Variants in CLCN5 observed in about 807,000 individuals in gnomAD.
CLCN5 encodes H(+)/Cl(-) exchange transporter 5.
In CLCN5, 17 loss-of-function variants were observed where a neutral mutation model predicts 54.0. The observed-to-expected ratio is 0.31, with a 90% CI of 0.22 to 0.47. CLCN5 has a LOEUF of 0.47. Among genes scored for constraint, CLCN5 ranks in the 20% least tolerant of loss-of-function variants. The pLI is 1.00. For synonymous variants in CLCN5, 222 were observed against 233.0 expected (o/e 0.95, Z 0.43); for missense variants, 448 against 646.7 (o/e 0.69, Z 3.33).
chrX:50,021,844 TAA>T (rs1931120335), intron 3 of CLCN5, among the ~76,000 whole-genome samples: 1 of 623 alleles, frequency 1.6e-3, no homozygotes, highest in Non-Finnish European at 2.6e-3. Context: ...TCATGGTGGA[TAA>T]GCTTTTTGAT....
intron 3 of CLCN5, among the ~76,000 whole-genome samples, chrX:49,998,986 T>G (rs1217907644): frequency 9.1e-6 from 1 of 110,446 alleles, no homozygotes; most frequent in African/African-American, 3.3e-5. Flanking sequence ...AATTTTCTAG[T>G]GCCACCCCCC....
At chrX:50,051,643 A>G (rs1932591342) in intron 4 of CLCN5, among the ~76,000 whole-genome samples, 1 of 112,236 alleles carries the variant, frequency 8.9e-6, no homozygotes, top group Admixed American at 9.5e-5. Flanking sequence ...TTTACATCCC[A>G]TGAACATTGA....
At chrX:49,970,726 A>G (rs782288886) in intron 3 of CLCN5, among the ~76,000 whole-genome samples, 13 of 112,000 alleles carry the variant, frequency 1.2e-4, no homozygotes, top group Non-Finnish European at 2.4e-4. Context: ...GAACATTCAC[A>G]CATATGTTTT....
rs1418323400 is a variant in CLCN5, at chrX:49,997,868, T to C, written c.17-44448T>C. Among the ~76,000 whole-genome samples, 17 of 111,049 alleles carry C rather than the reference T, an allele frequency of 1.5e-4. No homozygotes were observed. In the Admixed American group the frequency reaches 1.6e-3, roughly 11 times the overall value. On this transcript the variant is annotated intron_variant, in intron 3 of 14. Transcript: ENST00000376091. ...AAGATCCCATCTGTGTCTATCTCCC[T>C]AGTTCTCTCTTTCTTTTACCCTTAG...
At chrX:49,959,585 G>A (rs182306971) in intron 3 of CLCN5, among the ~76,000 whole-genome samples, 4 of 112,204 alleles carry the variant, frequency 3.6e-5, no homozygotes, top group South Asian at 3.7e-4. Context: ...CTCATTTGCC[G>A]ATAATTCCTC....
intron 3 of CLCN5, among the ~76,000 whole-genome samples, chrX:49,999,628 G>A (rs935358976): frequency 2.7e-5 from 3 of 111,118 alleles, no homozygotes; most frequent in Non-Finnish European, 3.8e-5. Flanking sequence ...GGAAAAATAA[G>A]TTCAGAAATG....
chrX:50,055,691 T>TTTTAAAA (rs1932721795), intron 4 of CLCN5, among the ~76,000 whole-genome samples: 1 of 111,808 alleles, frequency 8.9e-6, no homozygotes, highest in Non-Finnish European at 1.9e-5. Context: ...ATACACAGGT[T>TTTTAAAA]TTTAAAATGT....
At chrX:49,971,995 A>G (rs782542397) in intron 3 of CLCN5, among the ~76,000 whole-genome samples, 15 of 111,415 alleles carry the variant, frequency 1.3e-4, no homozygotes, top group African/African-American at 4.9e-4. Context: ...AATAATTTCA[A>G]ACTTATAAAA....
Position 50,088,727 on chromosome X carries a change from G to C in CLCN5, c.1587G>C (p.Met529Ile). 8.3e-7 allele frequency: 1 copy of C among 1,211,491 alleles called. No individual in the cohort carries two copies. ...KIPSGLFIPS[M>I]AVGAIAGRLL... ...CTTCTGGCCTCTTTATCCCTAGCAT[G>C]GCTGTTGGTGCTATAGCAGGTCGAC... Residue 529 changes from methionine to isoleucine, a missense_variant, in exon 12 of 15, where the codon ATG (methionine) becomes ATC (isoleucine). Met to Ile is a conservative substitution (Grantham distance 10). Coordinates refer to ENST00000376091, the MANE Select transcript of CLCN5 (RefSeq NM_001127898.4).
chrX:50,023,053 A>T (rs1235598017), intron 3 of CLCN5, among the ~76,000 whole-genome samples: 1 of 93,903 alleles, frequency 1.1e-5, no homozygotes. Context: ...TGTTTCGTTG[A>T]TCTGTCTAAT....
intron 3 of CLCN5, among the ~76,000 whole-genome samples, chrX:50,005,207 T>G (rs1930095238): frequency 8.9e-6 from 1 of 111,870 alleles, no homozygotes; most frequent in Non-Finnish European, 1.9e-5. Context: ...TCTCCTTGTT[T>G]GTATTTCCTG....
intron 4 of CLCN5, among the ~76,000 whole-genome samples, chrX:50,063,129 G>T (rs1932889237): frequency 9.7e-6 from 1 of 102,736 alleles, no homozygotes; most frequent in Non-Finnish European, 2.0e-5. Context: ...ACATTCAAAA[G>T]CTAGCAGAAG....
intron 3 of CLCN5, among the ~76,000 whole-genome samples, chrX:49,945,604 G>GTTTTTTT (rs1162822439): frequency 3.2e-4 from 23 of 71,144 alleles, no homozygotes; most frequent in African/African-American, 1.2e-3. Flanking sequence ...CGCCCAGCTA[G>GTTTTTTT]TTTTTTTTTT....
At chrX:49,946,422 G>T (rs1427167177) in intron 3 of CLCN5, among the ~76,000 whole-genome samples, 1 of 111,262 alleles carries the variant, frequency 9.0e-6, no homozygotes, top group Non-Finnish European at 1.9e-5. Flanking sequence ...GTGATTGTTG[G>T]CAGAATTTAG....
At chrX:49,941,852 C>T (rs1926349824) in intron 3 of CLCN5, among the ~76,000 whole-genome samples, 2 of 108,442 alleles carry the variant, frequency 1.8e-5, no homozygotes, top group Admixed American at 1.0e-4. Context: ...ACCACCTGCC[C>T]TATTATGTCT....
At chrX:49,961,791 C>G (rs375444397) in intron 3 of CLCN5, among the ~76,000 whole-genome samples, 70 of 111,422 alleles carry the variant, frequency 6.3e-4, no homozygotes, top group African/African-American at 2.2e-3. Flanking sequence ...TTTTTTCCTT[C>G]TCTTGACATT....
intron 4 of CLCN5, among the ~76,000 whole-genome samples, chrX:50,068,831 G>T (rs1933127355): frequency 9.0e-6 from 1 of 111,513 alleles, no homozygotes; most frequent in Non-Finnish European, 1.9e-5. Flanking sequence ...ATTAAATGAT[G>T]GCATTACTCT....
intron 3 of CLCN5, among the ~76,000 whole-genome samples, chrX:49,958,982 T>G (rs1193102945): frequency 7.1e-5 from 8 of 112,104 alleles, no homozygotes; most frequent in African/African-American, 2.6e-4. Context: ...CATTAGTTCC[T>G]GTAGCCTAAA....
chrX:49,970,470 T>A (rs1424933885), intron 3 of CLCN5, among the ~76,000 whole-genome samples: 2 of 111,637 alleles, frequency 1.8e-5, no homozygotes, highest in East Asian at 5.6e-4. Context: ...TTCTTATCTC[T>A]GTGGATTTGC....
Sources: allele counts gnomAD v4.1 joint callset (sites outside exome capture counted in the v4.1 genomes callset), GRCh38; gene constraint gnomAD v4.1.1; transcripts MANE v1.5; gene names NCBI Gene and HGNC (gene_info 2026-07-23, HGNC 2026-07-21).